The following LDLRAD3 variants were observed in gnomAD, a reference collection of about 807,000 sequenced individuals.
LDLRAD3 encodes low-density lipoprotein receptor class A domain-containing protein 3.
Under a neutral mutation model 29.4 loss-of-function variants are expected in LDLRAD3, and 20 were observed. The observed-to-expected ratio is 0.68, with a 90% CI of 0.48 to 0.99. The LOEUF (loss-of-function observed/expected upper bound fraction) is 0.99, where lower values mean the gene tolerates loss of function less well. Among genes scored for constraint, LDLRAD3 ranks in the 50% least tolerant of loss-of-function variants. The pLI is 0.00. For synonymous variants in LDLRAD3, 157 were observed against 192.7 expected (o/e 0.81, Z 1.53); for missense variants, 420 against 454.3 (o/e 0.92, Z 0.69).
chr11:36,137,851 C>A (rs918999770), intron 4 of LDLRAD3, among the ~76,000 whole-genome samples: 1 of 152,218 alleles, frequency 6.6e-6, no homozygotes, highest in Non-Finnish European at 1.5e-5. Context: ...GAATGGGTAA[C>A]CATTTACATA....
At chr11:35,959,551 A>C (rs1481379847) in intron 1 of LDLRAD3, among the ~76,000 whole-genome samples, 1 of 152,236 alleles carries the variant, frequency 6.6e-6, no homozygotes, top group East Asian at 1.9e-4. Context: ...AGAACAGTAT[A>C]ACAAACAGTA....
At chr11:36,029,527 ACC>A (rs1246056932) in intron 1 of LDLRAD3, among the ~76,000 whole-genome samples, 2 of 152,060 alleles carry the variant, frequency 1.3e-5, no homozygotes, top group African/African-American at 4.8e-5. Flanking sequence ...GGCTCTGCAA[ACC>A]CCCACTAGAT....
At chr11:35,967,987 C>T in intron 1 of LDLRAD3, 4 of 421,228 alleles carry the variant, frequency 9.5e-6, no homozygotes, top group South Asian at 7.0e-5. Flanking sequence ...TGCTTTATTG[C>T]ATAAACACTT....
At chr11:36,039,261 G>T (rs1164390466) in intron 2 of LDLRAD3, among the ~76,000 whole-genome samples, 1 of 152,130 alleles carries the variant, frequency 6.6e-6, no homozygotes, top group African/African-American at 2.4e-5. Context: ...GAGCCACCGC[G>T]CCCGGCCTAA....
At position 36,204,195 on chromosome 11, in the gene LDLRAD3, G is replaced by A. The variant is rs150161373; in HGVS notation, c.455-22890G>A. 4.3e-4 allele frequency among the ~76,000 whole-genome samples: 66 copies of A among 152,306 alleles called. 1 individual carries two copies. In the East Asian group the frequency reaches 0.011, roughly 25 times the overall value. On this transcript the variant is annotated intron_variant, in intron 4 of 5. Transcript: ENST00000315571. Reference sequence around the variant, plus strand: ...AGCATTTTACAATGTGCATGTCAGAGGAAAATCGGAGGCTCTGGGCAGAAC... The same window carrying A: ...AGCATTTTACAATGTGCATGTCAGAAGAAAATCGGAGGCTCTGGGCAGAAC...
At chr11:36,228,779 A>G (rs1180631475) in intron 5 of LDLRAD3, among the ~76,000 whole-genome samples, 2 of 152,198 alleles carry the variant, frequency 1.3e-5, no homozygotes, top group Non-Finnish European at 2.9e-5. Context: ...TGCCAATTCC[A>G]TGTTCCCATC....
At chr11:36,128,882 T>C (rs1590290951) in intron 4 of LDLRAD3, among the ~76,000 whole-genome samples, 1 of 149,072 alleles carries the variant, frequency 6.7e-6, no homozygotes, top group South Asian at 2.1e-4. Flanking sequence ...AAAAGAAAAA[T>C]CACCCTAGCA....
At chr11:35,945,297 C>T (rs1285090242) in intron 1 of LDLRAD3, among the ~76,000 whole-genome samples, 1 of 152,150 alleles carries the variant, frequency 6.6e-6, no homozygotes, top group African/African-American at 2.4e-5. Context: ...GTTATGAATG[C>T]GTTAAAGGGA....
chr11:36,001,622 A>G (rs920235187), intron 1 of LDLRAD3, among the ~76,000 whole-genome samples: 1 of 152,216 alleles, frequency 6.6e-6, no homozygotes, highest in Non-Finnish European at 1.5e-5. Flanking sequence ...ATCGTAAAAA[A>G]TAAAAAAGGG....
At chr11:36,132,331 AAAAG>A (rs1340097156) in intron 4 of LDLRAD3, among the ~76,000 whole-genome samples, 1 of 152,198 alleles carries the variant, frequency 6.6e-6, no homozygotes, top group Non-Finnish European at 1.5e-5. Context: ...AGAGAAGAGA[AAAAG>A]AAAACGTGTG....
rs566845749 is a variant in LDLRAD3, at chr11:36,083,110, C to T, written c.319+1332C>T. Reference sequence around the variant, plus strand: ...CTCTGCCCCAACACATACACAGCTTCTCCCATTATCAATATCCTCGGCCAG... The same window carrying T: ...CTCTGCCCCAACACATACACAGCTTTTCCCATTATCAATATCCTCGGCCAG... On this transcript the variant is annotated intron_variant, in intron 3 of 5. Coordinates refer to ENST00000315571, the MANE Select transcript of LDLRAD3 (RefSeq NM_174902.4). Among the ~76,000 whole-genome samples the T allele has an allele frequency of 3.9e-5, 6 of 152,332 alleles. 1 individual carries two copies. The South Asian group carries it at 1.2e-3, about 32-fold the overall frequency.
At chr11:35,968,024 G>T in intron 1 of LDLRAD3, 2 of 457,124 alleles carry the variant, frequency 4.4e-6, no homozygotes, top group South Asian at 3.1e-5. Context: ...TGCACTTGTA[G>T]ACTGTACCAA....
chr11:36,049,965 C>G (rs1852504978), intron 2 of LDLRAD3, among the ~76,000 whole-genome samples: 1 of 152,182 alleles, frequency 6.6e-6, no homozygotes. Context: ...GTGTTGTTTG[C>G]CTCTCCTGCT....
At chr11:36,128,187 A>T (rs1853870553) in intron 4 of LDLRAD3, among the ~76,000 whole-genome samples, 1 of 148,274 alleles carries the variant, frequency 6.7e-6, no homozygotes, top group Admixed American at 6.8e-5. Flanking sequence ...AAGATGAAGA[A>T]TTAATTCCCT....
chr11:36,081,506 G>A (rs1853113323), intron 2 of LDLRAD3, 147 bp from the exon 3 acceptor site: 1 of 1,026,800 alleles, frequency 9.7e-7, no homozygotes, highest in Admixed American at 2.0e-5. Context: ...GGGTGTTTGA[G>A]GTGGGTGGTG....
At chr11:36,014,398 A>G (rs1326868698) in intron 1 of LDLRAD3, among the ~76,000 whole-genome samples, 1 of 152,236 alleles carries the variant, frequency 6.6e-6, no homozygotes, top group African/African-American at 2.4e-5. Context: ...TAACACCATT[A>G]TGGGAAATGA....
intron 2 of LDLRAD3, among the ~76,000 whole-genome samples, chr11:36,074,073 A>G (rs1391486144): frequency 1.3e-5 from 2 of 152,364 alleles, no homozygotes; most frequent in African/African-American, 4.8e-5. Flanking sequence ...TTAAGCATTC[A>G]GAAAATGCTA....
At chr11:36,206,197 G>C (rs1855205921) in intron 4 of LDLRAD3, among the ~76,000 whole-genome samples, 1 of 152,196 alleles carries the variant, frequency 6.6e-6, no homozygotes, top group Admixed American at 6.5e-5. Flanking sequence ...GCTTCTAAGA[G>C]TTAATACTGT....
intron 4 of LDLRAD3, among the ~76,000 whole-genome samples, chr11:36,139,360 A>G (rs1159864066): frequency 6.6e-6 from 1 of 151,982 alleles, no homozygotes; most frequent in East Asian, 1.9e-4. Context: ...GATGATCCCA[A>G]CTTTGGTCTG....
Sources: gnomAD v4.1 joint callset for allele counts (sites outside exome capture counted in the v4.1 genomes callset) on GRCh38, gnomAD v4.1.1 for gene constraint, MANE v1.5 for transcripts, NCBI Gene and HGNC (gene_info 2026-07-23, HGNC 2026-07-21) for gene names.